The following CDH13 variants were observed in gnomAD, a reference collection of about 807,000 sequenced individuals.
CDH13 encodes cadherin-13.
Under a neutral mutation model 63.8 loss-of-function variants are expected in CDH13, and 24 were observed. The ratio of observed to expected loss-of-function variants is 0.38; its 90% CI spans 0.27 to 0.53. The LOEUF is 0.53. CDH13 is among the 20% of genes least tolerant of loss of function. The probability of loss-of-function intolerance (pLI) is 0.85; values close to 1 mark genes in which losing one functional copy is unlikely to be tolerated. For synonymous variants in CDH13, 503 were observed against 355.3 expected, an observed-to-expected ratio of 1.42 and a Z score of -4.67; for missense variants, 1,049 against 903.1, an observed-to-expected ratio of 1.16 and a Z score of -2.07.
rs115202067 is a variant in CDH13 at position 83,578,514 on chromosome 16, G to A, written c.961-23940G>A. On this transcript the variant is annotated intron_variant, in intron 7 of 13. Coordinates refer to ENST00000567109, the MANE Select transcript of CDH13 (RefSeq NM_001257.5). ...AAGCAGAAGAGGTCACATTCCACAG[G>A]AAGCAAAAGGGGAGGAGAAGCCTGA... is the stretch of plus-strand genomic sequence containing the variant. Among the ~76,000 whole-genome samples the A allele has an allele frequency of 4.8e-3, 732 of 152,274 alleles. 7 individuals carry two copies. The highest frequency in any genetic ancestry group is 0.017 in the African/African-American group (701 of 41,550).
At chr16:83,127,401 G>A (rs1173244293) in intron 4 of CDH13, among the ~76,000 whole-genome samples, 1 of 152,178 alleles carries the variant, frequency 6.6e-6, no homozygotes, top group African/African-American at 2.4e-5. Flanking sequence ...AGGGGAGTTT[G>A]GTGGTGATCT....
chr16:83,032,153 C>G lies in CDH13; in HGVS notation c.301C>G (p.Pro101Ala). Residue 101 changes from proline (P) to alanine (A), a missense_variant, in exon 3 of 14, where the codon CCC becomes GCC. Coordinates refer to ENST00000567109, the MANE Select transcript of CDH13 (RefSeq NM_001257.5). ...GKTLFVHART[P>A]HAEDMAELVI... ...AACTCTGTTCGTCCATGCACGGACC[C>G]CCCATGCGGAAGATATGGCAGAACT... is the stretch of plus-strand genomic sequence containing the variant. 1 of 1,613,692 alleles carries G rather than the reference C, an allele frequency of 6.2e-7. No homozygotes were observed. The highest frequency in any genetic ancestry group is 1.1e-5 in the South Asian group (1 of 91,050).
chr16:83,250,987 G>T (rs546912409), intron 5 of CDH13, among the ~76,000 whole-genome samples: 1 of 152,016 alleles, frequency 6.6e-6, no homozygotes, highest in African/African-American at 2.4e-5. Flanking sequence ...TTATATGCTC[G>T]GTGGTTCGGT....
chr16:83,590,691 A>C (rs968145427), intron 7 of CDH13, among the ~76,000 whole-genome samples: 3 of 152,240 alleles, frequency 2.0e-5, no homozygotes, highest in Non-Finnish European at 4.4e-5. Flanking sequence ...TGAGTTTTAA[A>C]GTAAAACATC....
chr16:83,411,075 C>G (rs994925771), intron 6 of CDH13, among the ~76,000 whole-genome samples: 1 of 152,172 alleles, frequency 6.6e-6, no homozygotes, highest in Non-Finnish European at 1.5e-5. Context: ...CGGTCGTGGT[C>G]CACACTCCAG....
At chr16:83,758,557 C>G (rs143176439) in intron 11 of CDH13, among the ~76,000 whole-genome samples, 9 of 151,836 alleles carry the variant, frequency 5.9e-5, no homozygotes, top group African/African-American at 2.2e-4. Flanking sequence ...CCAGCCAGAG[C>G]GAGAAGGCAA....
At chr16:83,087,451 C>T (rs987431964) in intron 3 of CDH13, among the ~76,000 whole-genome samples, 9 of 151,994 alleles carry the variant, frequency 5.9e-5, no homozygotes, top group Admixed American at 2.6e-4. Context: ...GGGCAGATCA[C>T]GAGGTCAGGA....
At chr16:82,793,588 C>T (rs1404880255) in intron 1 of CDH13, among the ~76,000 whole-genome samples, 1 of 152,164 alleles carries the variant, frequency 6.6e-6, no homozygotes, top group African/African-American at 2.4e-5. Context: ...CCCTGCTGGG[C>T]CGCATCATTT....
chr16:83,620,175 G>A (rs1045048112), intron 8 of CDH13, among the ~76,000 whole-genome samples: 5 of 152,200 alleles, frequency 3.3e-5, no homozygotes, highest in East Asian at 1.9e-4. Context: ...GGTGGATCAC[G>A]AGGTCAAGAG....
At chr16:83,193,438 C>A (rs1370433077) in intron 4 of CDH13, among the ~76,000 whole-genome samples, 2 of 152,188 alleles carry the variant, frequency 1.3e-5, no homozygotes, top group Non-Finnish European at 2.9e-5. Flanking sequence ...GGAGAAGACA[C>A]ACATTGTATT....
intron 5 of CDH13, among the ~76,000 whole-genome samples, chr16:83,221,394 C>T (rs919154295): frequency 6.6e-6 from 1 of 152,210 alleles, no homozygotes; most frequent in East Asian, 1.9e-4. Context: ...GTATTGGAAG[C>T]TGACATACTA....
At chr16:83,121,160 A>G (rs184301068) in intron 3 of CDH13, among the ~76,000 whole-genome samples, 1 of 152,152 alleles carries the variant, frequency 6.6e-6, no homozygotes, top group African/African-American at 2.4e-5. Flanking sequence ...TCTTATACAG[A>G]ATCTAGTTTT....
chr16:83,551,771 A>G (rs8061801), intron 7 of CDH13, among the ~76,000 whole-genome samples: 97,047 of 152,042 alleles, frequency 0.64, 32,012 homozygotes, highest in Non-Finnish European at 0.72. Context: ...TTGAATTGTC[A>G]ATTTGTCTAC....
intron 1 of CDH13, among the ~76,000 whole-genome samples, chr16:82,762,053 C>T (rs1274688764): frequency 6.6e-6 from 1 of 152,106 alleles, no homozygotes; most frequent in Non-Finnish European, 1.5e-5. Context: ...TCAAGTGGAG[C>T]TGGAAAGTGA....
chr16:82,963,032 A>G (rs1420699879), intron 2 of CDH13, among the ~76,000 whole-genome samples: 7 of 152,098 alleles, frequency 4.6e-5, no homozygotes, highest in Non-Finnish European at 1.0e-4. Flanking sequence ...TTCTAGTAAC[A>G]CCTAAAACTT....
At chr16:82,974,247 C>T (rs937555727) in intron 2 of CDH13, among the ~76,000 whole-genome samples, 3 of 152,144 alleles carry the variant, frequency 2.0e-5, no homozygotes, top group Non-Finnish European at 4.4e-5. Context: ...CCTAAGCTTT[C>T]TTTGTAAGAT....
intron 4 of CDH13, among the ~76,000 whole-genome samples, chr16:83,141,129 C>T (rs561467157): frequency 2.0e-4 from 31 of 152,342 alleles, no homozygotes; most frequent in African/African-American, 6.7e-4. Context: ...TCTTCTCCCT[C>T]TCCTGATTCA....
At chr16:83,437,357 T>C (rs1202427999) in intron 6 of CDH13, among the ~76,000 whole-genome samples, 3 of 152,166 alleles carry the variant, frequency 2.0e-5, no homozygotes, top group African/African-American at 7.2e-5. Flanking sequence ...CGTACTCAGC[T>C]TAATAATGTA....
intron 1 of CDH13, among the ~76,000 whole-genome samples, chr16:82,850,571 G>A (rs1018088840): frequency 1.3e-5 from 2 of 152,198 alleles, no homozygotes; most frequent in Admixed American, 6.5e-5. Context: ...CAGCAGCAGG[G>A]TTTGAGAGGA....
Sources: allele counts gnomAD v4.1 joint callset (sites outside exome capture counted in the v4.1 genomes callset), GRCh38; gene constraint gnomAD v4.1.1; transcripts MANE v1.5; gene names NCBI Gene and HGNC (gene_info 2026-07-23, HGNC 2026-07-21).